CWC27: variants seen among roughly 807,000 people sequenced by gnomAD.
CWC27 encodes CWC27 spliceosome associated cyclophilin.
CWC27 carries 47 observed loss-of-function variants against 63.6 expected under a neutral mutation model. The observed-to-expected ratio is 0.74, with a 90% CI of 0.58 to 0.94. CWC27 has a LOEUF of 0.94. Among genes scored for constraint, CWC27 ranks in the 40% least tolerant of loss-of-function variants. The pLI is 0.00. For synonymous variants in CWC27, 175 were observed against 179.8 expected (o/e 0.97, Z 0.22); for missense variants, 495 against 554.3 (o/e 0.89, Z 1.07).
chr5:64,849,162 C>T (rs547665349), intron 10 of CWC27, among the ~76,000 whole-genome samples: 3 of 151,448 alleles, frequency 2.0e-5, no homozygotes, highest in African/African-American at 7.3e-5. Flanking sequence ...AGCAGTAGCA[C>T]TTCTGTACAC....
chr5:64,795,256 G>A (rs1052027462), intron 7 of CWC27, among the ~76,000 whole-genome samples: 1 of 152,164 alleles, frequency 6.6e-6, no homozygotes, highest in African/African-American at 2.4e-5. Context: ...AAATGTTTCT[G>A]CCTTATCAAA....
chr5:64,870,619 T>C (rs1746647466), intron 10 of CWC27, among the ~76,000 whole-genome samples: 1 of 152,106 alleles, frequency 6.6e-6, no homozygotes, highest in Admixed American at 6.6e-5. Context: ...AATCATAATG[T>C]CTACCAAATT....
chr5:64,926,736 A>G (rs1362597657), intron 11 of CWC27, among the ~76,000 whole-genome samples: 1 of 151,394 alleles, frequency 6.6e-6, no homozygotes, highest in African/African-American at 2.4e-5. Context: ...AAATAAAGAG[A>G]AAAAAAAATA....
At chr5:65,014,675 T>C (rs1750020360) in intron 13 of CWC27, among the ~76,000 whole-genome samples, 1 of 152,182 alleles carries the variant, frequency 6.6e-6, no homozygotes, top group South Asian at 2.1e-4. Context: ...TTCTAAATCT[T>C]ATTGTGTATC....
chr5:64,946,313 T>A (rs1748590809), intron 11 of CWC27, among the ~76,000 whole-genome samples: 2 of 152,168 alleles, frequency 1.3e-5, no homozygotes, highest in Non-Finnish European at 2.9e-5. Context: ...CAGAGACATA[T>A]ACCACAAATG....
intron 10 of CWC27, among the ~76,000 whole-genome samples, chr5:64,811,935 G>T (rs911666109): frequency 1.1e-4 from 17 of 151,938 alleles, no homozygotes; most frequent in African/African-American, 3.9e-4. Context: ...ATCTTCTTTT[G>T]TTGGGTTTGA....
At chr5:64,812,072 C>T (rs1219177238) in intron 10 of CWC27, among the ~76,000 whole-genome samples, 1 of 151,972 alleles carries the variant, frequency 6.6e-6, no homozygotes, top group Non-Finnish European at 1.5e-5. Flanking sequence ...TACTTTGTGT[C>T]TGGATTCTCT....
chr5:64,796,648 T>C (rs561530280), intron 7 of CWC27, among the ~76,000 whole-genome samples: 2 of 152,284 alleles, frequency 1.3e-5, no homozygotes, highest in African/African-American at 4.8e-5. Context: ...TACCATTGCC[T>C]AGCCAAGTTG....
At chr5:64,812,460 A>G (rs1290240923) in intron 10 of CWC27, among the ~76,000 whole-genome samples, 1 of 152,178 alleles carries the variant, frequency 6.6e-6, no homozygotes, top group African/African-American at 2.4e-5. Context: ...GAAATCCAAG[A>G]TCTATATACT....
At chr5:64,825,240 T>G (rs1745327468) in intron 10 of CWC27, among the ~76,000 whole-genome samples, 1 of 152,138 alleles carries the variant, frequency 6.6e-6, no homozygotes. Flanking sequence ...GGGAGGGAGT[T>G]TGGAAACCAT....
intron 10 of CWC27, among the ~76,000 whole-genome samples, chr5:64,862,534 A>C (rs529619939): frequency 3.7e-4 from 57 of 152,258 alleles, no homozygotes; most frequent in African/African-American, 1.4e-3. Flanking sequence ...AAAATGGAAA[A>C]ACTTATATAA....
chr5:64,816,565 C>T (rs571314416), intron 10 of CWC27, among the ~76,000 whole-genome samples: 5 of 152,188 alleles, frequency 3.3e-5, no homozygotes, highest in African/African-American at 1.2e-4. Flanking sequence ...ATGACTTGAG[C>T]TAAGGACGGT....
chr5:64,866,765 A>G (rs1322615855), intron 10 of CWC27, among the ~76,000 whole-genome samples: 1 of 152,116 alleles, frequency 6.6e-6, no homozygotes, highest in East Asian at 1.9e-4. Flanking sequence ...GGAGAACATC[A>G]TATGATTTCA....
In CWC27 at chr5:64,769,145, A is replaced by C. The variant is rs754734474; in HGVS notation, c.-2A>C. ...GGAGCAGAGTCCTTTGTACTGACCA[A>C]GATGAGCAACATCTACATCCAGGAG... On this transcript the variant is annotated 5_prime_UTR_variant, in exon 1 of 14. Coordinates refer to ENST00000381070, the MANE Select transcript of CWC27 (RefSeq NM_005869.4). 6.2e-7 allele frequency: 1 copy of C among 1,613,990 alleles called. No homozygotes were observed. Among genetic ancestry groups the C allele is most frequent in the Non-Finnish European group, 8.5e-7 (1 of 1,179,978 alleles).
At chr5:64,807,874 TC>T in intron 10 of CWC27, 2 of 1,484,108 alleles carry the variant, frequency 1.3e-6, no homozygotes, top group East Asian at 2.5e-5. Context: ...ACAAAACCAT[TC>T]CATTTTATTT....
At chr5:64,808,005 ATTT>A (rs1409225676) in intron 10 of CWC27, 17 of 1,348,342 alleles carry the variant, frequency 1.3e-5, no homozygotes, top group Non-Finnish European at 2.8e-6. Flanking sequence ...GCTACTTTCC[ATTT>A]TTTTTTCTTG....
intron 7 of CWC27, among the ~76,000 whole-genome samples, chr5:64,792,436 A>AC (rs1744117723): frequency 6.6e-6 from 1 of 151,776 alleles, no homozygotes; most frequent in African/African-American, 2.4e-5. Context: ...TCTTTTTCCC[A>AC]CCTGAAATGT....
rs1744478295 is a variant in CWC27 at position 64,801,333 on chromosome 5, G to A, written c.780+1G>A. 1 of 1,382,354 alleles carries A rather than the reference G, an allele frequency of 7.2e-7. No individual in the cohort carries two copies. Among genetic ancestry groups the A allele is most frequent in the Non-Finnish European group, 9.7e-7 (1 of 1,030,514 alleles). 85.6% of individuals were successfully genotyped at this position (1,382,354 alleles called of 1,614,324 possible). On this transcript the variant is annotated splice_donor_variant, in intron 9 of 13. Coordinates refer to ENST00000381070, the MANE Select transcript of CWC27 (RefSeq NM_005869.4). LOFTEE classifies it high-confidence loss of function. ...AGGTGATGCACCAGATTTAGTTGAT[G>A]TAAGTATTTATTTTGGTATTAATAT...
chr5:64,914,535 C>A (rs2112382727), intron 11 of CWC27, among the ~76,000 whole-genome samples: 1 of 152,130 alleles, frequency 6.6e-6, no homozygotes, highest in Admixed American at 6.5e-5. Flanking sequence ...AAAATTTGTC[C>A]AACTTCATGA....
Sources: gnomAD v4.1 joint callset for allele counts (sites outside exome capture counted in the v4.1 genomes callset) on GRCh38, gnomAD v4.1.1 for gene constraint, MANE v1.5 for transcripts, NCBI Gene and HGNC (gene_info 2026-07-23, HGNC 2026-07-21) for gene names.